FAN1: variants seen among roughly 807,000 people sequenced by gnomAD.
FAN1 encodes fanconi-associated nuclease 1.
In FAN1, 91 loss-of-function variants were observed where a neutral mutation model predicts 104.9. The observed-to-expected ratio is 0.87, with a 90% CI of 0.73 to 1.03. The LOEUF is 1.03. Ranked by LOEUF, FAN1 falls within the 50% of genes least tolerant of loss-of-function variation. FAN1 has a pLI of 0.00. For missense variants in FAN1, 1,263 were observed against 1,239.9 expected (o/e 1.02, Z -0.28); for synonymous variants, 478 against 457.6 (o/e 1.04, Z -0.57).
chr15:30,937,013 G>A (rs2140971621), intron 13 of FAN1, 106 bp from the exon 14 acceptor site: 1 of 841,140 alleles, frequency 1.2e-6, no homozygotes, highest in East Asian at 2.4e-5. Flanking sequence ...TACAGTGAGA[G>A]AGCAGAAGAG....
chr15:30,915,321 G>T (rs2062177617), intron 5 of FAN1, among the ~76,000 whole-genome samples: 1 of 152,168 alleles, frequency 6.6e-6, no homozygotes, highest in Non-Finnish European at 1.5e-5. Flanking sequence ...GATAGGGAAA[G>T]GTTGGTTAAC....
chr15:30,920,401 G>A, intron 6 of FAN1, 144 bp from the exon 7 acceptor site: 2 of 613,398 alleles, frequency 3.3e-6, no homozygotes, highest in Non-Finnish European at 5.7e-6. Flanking sequence ...GTAGGTTTGT[G>A]GTGTAGAAAA....
intron 12 of FAN1, 103 bp from the exon 13 acceptor site, chr15:30,930,440 A>C: frequency 2.2e-6 from 3 of 1,371,308 alleles, no homozygotes; most frequent in Non-Finnish European, 2.9e-6. Context: ...ATGTGCACTG[A>C]ATTACATATA....
At position 30,910,773 on chromosome 15, in the gene FAN1, G is replaced by A; in HGVS notation, c.1535G>A (p.Trp512Ter). ...GCCAAACAGCGTTCAGTCTGCACTT[G>A]GGGCAAGAATAAGCCTGGAATTGGT... ...KLAKQRSVCTWGKNKPGIGAV... is the reference protein window; with the variant it reads ...KLAKQRSVCT The change falls in exon 4 of 15, where the codon TGG becomes TAG. Residue 512 changes from tryptophan (W) to a stop codon, truncating the protein, a stop_gained. Transcript: ENST00000362065. LOFTEE classifies it high-confidence loss of function. The A allele has an allele frequency of 6.2e-7, 1 of 1,614,084 alleles. No individual in the cohort carries two copies. Among genetic ancestry groups the A allele is most frequent in the Non-Finnish European group, 8.5e-7 (1 of 1,179,996 alleles).
rs1478906941 is a variant in FAN1, at chr15:30,908,081, G to A, written c.1235-37G>A. Reference sequence around the variant, plus strand: ...TTCACCTTAGGTTTAAAAGGTAAATGCAGTGATTTTCAACATTTTTCTTAA... The same window carrying A: ...TTCACCTTAGGTTTAAAAGGTAAATACAGTGATTTTCAACATTTTTCTTAA... On this transcript the variant is annotated intron_variant, in intron 2 of 14. Transcript: ENST00000362065. 4.5e-6 allele frequency: 7 copies of A among 1,565,492 alleles called. No individual in the cohort carries two copies. In the Admixed American group the frequency reaches 7.4e-5, roughly 16 times the overall value.
rs368477312 is a variant in FAN1 at position 30,920,498 on chromosome 15, ATAAAT to A, written c.1944-43_1944-39del. The A allele has an allele frequency of 1.8e-4, 217 of 1,239,008 alleles. No homozygotes were observed. The African/African-American group carries it at 2.8e-3, about 16-fold the overall frequency. 76.8% of individuals were successfully genotyped at this position (1,239,008 alleles called of 1,614,324 possible). A position where few individuals can be genotyped will look rare whatever the true frequency, so the allele number is the denominator to read the frequency against. ...TGTCACTTGTTATTATTGTCTTATA[ATAAAT>A]TAACCAAATTATTAAACTACTGGTA... is the stretch of plus-strand genomic sequence containing the variant. On this transcript the variant is annotated intron_variant, in intron 6 of 14. Coordinates refer to ENST00000362065, the MANE Select transcript of FAN1 (RefSeq NM_014967.5).
chr15:30,927,528 G>C, intron 10 of FAN1: 3 of 985,772 alleles, frequency 3.0e-6, no homozygotes, highest in Non-Finnish European at 3.6e-6. Flanking sequence ...CAGGCATGAC[G>C]GGCTGTGGCT....
chr15:30,939,165 A>G (rs924392503), intron 14 of FAN1: 31 of 985,286 alleles, frequency 3.1e-5, no homozygotes, highest in Non-Finnish European at 3.7e-5. Flanking sequence ...ACCCTCTGTT[A>G]GTACAAATTA....
At chr15:30,935,388 T>C (rs2062825028) in intron 13 of FAN1, among the ~76,000 whole-genome samples, 1 of 152,194 alleles carries the variant, frequency 6.6e-6, no homozygotes, top group Admixed American at 6.5e-5. Context: ...GTTAGCCCTC[T>C]GTATCCATGG....
Position 30,913,995 on chromosome 15 carries a change from C to G in FAN1, c.1715C>G (p.Ser572Ter). 2 of 1,614,134 alleles carry G rather than the reference C, an allele frequency of 1.2e-6. No individual in the cohort carries two copies. The highest frequency in any genetic ancestry group is 2.2e-5 in the South Asian group (2 of 91,088). Reference sequence around the variant, plus strand: ...GCTTGTGGAGGTCAGGGACAGCTTTCAACAGTCCTGTTGGTCAACCTCGGC... The same window carrying G: ...GCTTGTGGAGGTCAGGGACAGCTTTGAACAGTCCTGTTGGTCAACCTCGGC... ...DAACGGQGQL[S>*]TVLLVNLGRM... The change falls in exon 5 of 15, where the codon TCA becomes TGA. Residue 572 changes from serine (S) to a stop codon, truncating the protein, a stop_gained. Transcript: ENST00000362065. LOFTEE classifies it high-confidence loss of function.
At chr15:30,929,594 T>TATATTAC (rs1342901259) in intron 12 of FAN1, among the ~76,000 whole-genome samples, 197 bp downstream of exon 12, 1 of 129,754 alleles carries the variant, frequency 7.7e-6, no homozygotes, top group Non-Finnish European at 1.6e-5. Context: ...TTATATATTA[T>TATATTAC]ATATTACATA....
intron 13 of FAN1, among the ~76,000 whole-genome samples, chr15:30,932,745 G>A (rs192500039): frequency 0.012 from 1,530 of 131,118 alleles, 9 homozygotes; most frequent in Middle Eastern, 0.026. Context: ...ATGGAGTCTC[G>A]CTCTGTCGCC....
intron 10 of FAN1, 102 bp from the exon 11 acceptor site, chr15:30,928,445 CTTGAAA>C: frequency 6.6e-7 from 1 of 1,512,842 alleles, no homozygotes; most frequent in Non-Finnish European, 8.8e-7. Flanking sequence ...CTATTATTTT[CTTGAAA>C]TTGAGTGTGC....
At chr15:30,914,603 C>T (rs897526037) in intron 5 of FAN1, among the ~76,000 whole-genome samples, 2 of 152,106 alleles carry the variant, frequency 1.3e-5, no homozygotes, top group Non-Finnish European at 2.9e-5. Context: ...CGGACTCAAG[C>T]AATCCGCCCA....
At position 30,942,123 on chromosome 15, in the gene FAN1, T is replaced by G; in HGVS notation, c.*561T>G. On this transcript the variant is annotated 3_prime_UTR_variant, in exon 15 of 15. Coordinates refer to ENST00000362065, the MANE Select transcript of FAN1 (RefSeq NM_014967.5). The stretch of plus-strand genomic sequence containing the variant: ...TCCGGGGATTCCCTTTTTAGAAAGA[T>G]TGAAGGATGCAATGGCAAATATAAA... 1.3e-6 allele frequency: 2 copies of G among 1,552,544 alleles called. No homozygotes were observed. The highest frequency in any genetic ancestry group is 1.7e-6 in the Non-Finnish European group (2 of 1,148,330).
In FAN1 at chr15:30,920,400, T is replaced by G. The variant is rs536271586; in HGVS notation, c.1944-145T>G. ...AGCTGGCTGTGAGAATGTAGGTTTG[T>G]GGTGTAGAAAATTGTACACAACTGA... On this transcript the variant is annotated intron_variant, in intron 6 of 14. Coordinates refer to ENST00000362065, the MANE Select transcript of FAN1 (RefSeq NM_014967.5). 3.7e-4 allele frequency: 228 copies of G among 612,254 alleles called. 2 individuals carry two copies. In the South Asian group the frequency reaches 4.7e-3, roughly 13 times the overall value. 37.9% of individuals were successfully genotyped at this position (612,254 alleles called of 1,614,324 possible).
rs547415164 is a variant in FAN1, at chr15:30,926,990, C to T, written c.2488+1051C>T. The stretch of plus-strand genomic sequence containing the variant: ...GCACCAAAAATGATTTCACTTATAA[C>T]ACAAATGCACAGCATGGACCACTTA... On this transcript the variant is annotated intron_variant, in intron 10 of 14. Transcript: ENST00000362065. 5 of 985,422 alleles carry T rather than the reference C, an allele frequency of 5.1e-6. No individual in the cohort carries two copies. In the East Asian group the frequency reaches 3.4e-4, roughly 67 times the overall value. 61.0% of individuals were successfully genotyped at this position (985,422 alleles called of 1,614,324 possible). A position where few individuals can be genotyped will look rare whatever the true frequency, so the allele number is the denominator to read the frequency against.
intron 14 of FAN1, among the ~76,000 whole-genome samples, chr15:30,937,737 A>AT (rs2062901747): frequency 6.6e-6 from 1 of 151,930 alleles, no homozygotes; most frequent in Non-Finnish European, 1.5e-5. Flanking sequence ...GATTACAGGC[A>AT]TTGAGCCACT....
chr15:30,934,905 A>G (rs993362056), intron 13 of FAN1, among the ~76,000 whole-genome samples: 3 of 152,170 alleles, frequency 2.0e-5, no homozygotes, highest in African/African-American at 4.8e-5. Context: ...GTTCTATAAC[A>G]TATTATTTTT....
Sources: allele counts gnomAD v4.1 joint callset (sites outside exome capture counted in the v4.1 genomes callset), GRCh38; gene constraint gnomAD v4.1.1; transcripts MANE v1.5; gene names NCBI Gene and HGNC (gene_info 2026-07-23, HGNC 2026-07-21).